The following MICU2 variants were observed in gnomAD, a reference collection of about 807,000 sequenced individuals.
The protein encoded by MICU2 is calcium uptake protein 2, mitochondrial.
A neutral mutation model predicts 60.4 loss-of-function variants in MICU2; 64 were observed. The observed-to-expected ratio is 1.06, with a 90% CI of 0.87 to 1.31. The LOEUF (loss-of-function observed/expected upper bound fraction) is 1.31, where lower values mean the gene tolerates loss of function less well. MICU2 is among the 50% of genes most tolerant of loss of function. MICU2 has a pLI of 0.00. For synonymous variants in MICU2, 201 were observed against 175.0 expected, an observed-to-expected ratio of 1.15 and a Z score of -1.17; for missense variants, 569 against 531.0, an observed-to-expected ratio of 1.07 and a Z score of -0.70.
intron 1 of MICU2, among the ~76,000 whole-genome samples, chr13:21,574,267 C>T (rs1888176677): frequency 6.6e-6 from 1 of 152,150 alleles, no homozygotes; most frequent in Admixed American, 6.5e-5. Flanking sequence ...CTCAAACCTG[C>T]ATCTACTACT....
At chr13:21,500,909 G>A (rs1886135263) in intron 9 of MICU2, among the ~76,000 whole-genome samples, 1 of 152,006 alleles carries the variant, frequency 6.6e-6, no homozygotes, top group Admixed American at 6.6e-5. Context: ...TTTGGGTTTT[G>A]CTTAGAAAGG....
intron 2 of MICU2, among the ~76,000 whole-genome samples, chr13:21,555,136 T>C (rs576254804): frequency 9.2e-5 from 14 of 152,100 alleles, no homozygotes; most frequent in East Asian, 7.7e-4. Flanking sequence ...TTCCAATCAA[T>C]AGAAAAAGAG....
chr13:21,510,226 A>C (rs777853708), intron 7 of MICU2, 125 bp from the exon 8 acceptor site: 3 of 432,986 alleles, frequency 6.9e-6, no homozygotes, highest in Non-Finnish European at 1.1e-5. Flanking sequence ...ACAACAACAA[A>C]AGTTGTAAAA....
At chr13:21,561,351 G>GT (rs1887835365) in intron 2 of MICU2, among the ~76,000 whole-genome samples, 2 of 152,122 alleles carry the variant, frequency 1.3e-5, no homozygotes, top group East Asian at 3.9e-4. Flanking sequence ...ATCCTTATTG[G>GT]TTTTCTGTCT....
intron 10 of MICU2, chr13:21,495,639 G>A (rs1424480154): frequency 1.2e-5 from 3 of 242,580 alleles, no homozygotes; most frequent in Admixed American, 5.2e-5. Context: ...GGGTTCAAGC[G>A]ATTCTCTTGC....
At chr13:21,567,432 C>T (rs942060864) in intron 1 of MICU2, among the ~76,000 whole-genome samples, 3 of 152,006 alleles carry the variant, frequency 2.0e-5, no homozygotes, top group Non-Finnish European at 4.4e-5. Flanking sequence ...GCAGAAAGGC[C>T]ACGTTACCAG....
intron 2 of MICU2, among the ~76,000 whole-genome samples, chr13:21,554,873 C>G (rs1464988520): frequency 6.6e-6 from 1 of 152,128 alleles, no homozygotes; most frequent in South Asian, 2.1e-4. Context: ...AAACTACCAT[C>G]AGAGAATACT....
At chr13:21,497,950 T>C (rs1309233935) in intron 9 of MICU2, among the ~76,000 whole-genome samples, 2 of 152,136 alleles carry the variant, frequency 1.3e-5, no homozygotes, top group Admixed American at 6.6e-5. Flanking sequence ...AGACGAGATC[T>C]CGCTATGTTT....
chr13:21,602,662 A>G (rs1476583265), intron 1 of MICU2: 1 of 152,236 alleles, frequency 6.6e-6, no homozygotes, highest in Non-Finnish European at 1.5e-5. Flanking sequence ...AGATCTTTCC[A>G]TTATATATGT....
intron 1 of MICU2, among the ~76,000 whole-genome samples, chr13:21,589,918 T>C (rs893077275): frequency 5.9e-5 from 9 of 152,214 alleles, no homozygotes; most frequent in African/African-American, 2.2e-4. Context: ...CTTGTCCAAG[T>C]GTGCGCTCAC....
At chr13:21,581,088 T>C (rs1888337976) in intron 1 of MICU2, among the ~76,000 whole-genome samples, 1 of 152,028 alleles carries the variant, frequency 6.6e-6, no homozygotes, top group South Asian at 2.1e-4. Flanking sequence ...AGCAGTGAAG[T>C]GGAAAATAAG....
At chr13:21,549,121 G>T (rs565008845) in intron 2 of MICU2, among the ~76,000 whole-genome samples, 4 of 151,880 alleles carry the variant, frequency 2.6e-5, no homozygotes, top group African/African-American at 4.8e-5. Flanking sequence ...AGTAGAGACG[G>T]GGTTTCACCG....
intron 9 of MICU2, among the ~76,000 whole-genome samples, chr13:21,499,260 T>C (rs1459008059): frequency 6.6e-6 from 1 of 152,024 alleles, no homozygotes; most frequent in Non-Finnish European, 1.5e-5. Flanking sequence ...TGAATTTGCA[T>C]GTCTTCAATT....
chr13:21,547,641 C>T (rs996306452), intron 2 of MICU2, among the ~76,000 whole-genome samples: 1 of 152,110 alleles, frequency 6.6e-6, no homozygotes, highest in African/African-American at 2.4e-5. Flanking sequence ...AGAGTTTGTA[C>T]TGATTGATGT....
chr13:21,601,834 T>G (rs1017749590), intron 1 of MICU2, among the ~76,000 whole-genome samples: 1 of 151,520 alleles, frequency 6.6e-6, no homozygotes, highest in Non-Finnish European at 1.5e-5. Flanking sequence ...GGCCGGGCGC[T>G]GTGGCTCACG....
chr13:21,577,175 A>T (rs1454613457), intron 1 of MICU2, among the ~76,000 whole-genome samples: 5 of 152,220 alleles, frequency 3.3e-5, no homozygotes, highest in African/African-American at 1.2e-4. Context: ...GATTTTCCTA[A>T]AACAGATTTG....
chr13:21,603,312 T>C (rs1888869621), intron 1 of MICU2, among the ~76,000 whole-genome samples: 1 of 152,124 alleles, frequency 6.6e-6, no homozygotes, highest in Admixed American at 6.6e-5. Context: ...GGAGCAATTT[T>C]TGCTTAGAAC....
At chr13:21,536,936 A>T (rs1479329142) in intron 4 of MICU2, among the ~76,000 whole-genome samples, 4 of 152,168 alleles carry the variant, frequency 2.6e-5, no homozygotes, top group Admixed American at 1.3e-4. Context: ...TGAACCCTGA[A>T]ATCACCTGCA....
chr13:21,594,319 A>G (rs1888647076), intron 1 of MICU2, among the ~76,000 whole-genome samples: 1 of 152,230 alleles, frequency 6.6e-6, no homozygotes, highest in Non-Finnish European at 1.5e-5. Flanking sequence ...GCAAATCAAA[A>G]CCACAATGAG....
Sources: gnomAD v4.1 joint callset for allele counts (sites outside exome capture counted in the v4.1 genomes callset) on GRCh38, gnomAD v4.1.1 for gene constraint, MANE v1.5 for transcripts, NCBI Gene and HGNC (gene_info 2026-07-23, HGNC 2026-07-21) for gene names.